GSK3B: variants seen among roughly 807,000 people sequenced by gnomAD.
GSK3B encodes glycogen synthase kinase 3 beta.
GSK3B carries 15 observed loss-of-function variants against 56.4 expected under a neutral mutation model. The observed-to-expected ratio is 0.27, with a 90% CI of 0.18 to 0.41. The LOEUF is 0.41. Among genes scored for constraint, GSK3B ranks in the 10% least tolerant of loss-of-function variants. The pLI is 1.00. For synonymous variants in GSK3B, 181 were observed against 188.9 expected, an observed-to-expected ratio of 0.96 and a Z score of 0.34; for missense variants, 300 against 513.4, an observed-to-expected ratio of 0.58 and a Z score of 4.02.
intron 2 of GSK3B, among the ~76,000 whole-genome samples, chr3:119,980,517 G>A (rs763666494): frequency 9.2e-5 from 14 of 151,976 alleles, no homozygotes; most frequent in Non-Finnish European, 1.8e-4. Context: ...CACGCCCGGG[G>A]AATTTTTTGT....
intron 1 of GSK3B, among the ~76,000 whole-genome samples, chr3:120,082,596 A>G (rs774248051): frequency 7.2e-5 from 11 of 151,776 alleles, no homozygotes; most frequent in Non-Finnish European, 1.2e-4. Flanking sequence ...GGGTTTCACC[A>G]TCTTGGCCAG....
intron 2 of GSK3B, among the ~76,000 whole-genome samples, chr3:119,972,950 T>A (rs1427939943): frequency 6.6e-6 from 1 of 152,204 alleles, no homozygotes; most frequent in East Asian, 1.9e-4. Flanking sequence ...GGCTTCCAAT[T>A]TGACTGATGC....
At position 119,826,619 on chromosome 3, in the gene GSK3B, G is replaced by A. The variant is rs772335906; in HGVS notation, c.*169C>T. On this transcript the variant is annotated 3_prime_UTR_variant, in exon 11 of 11. Transcript: ENST00000264235. Reference sequence around the variant, plus strand: ...ACAATGAAATTGGTTTGTATTTATAGATATTTTACAAGGTTAAATAAGAAC... The same window carrying A: ...ACAATGAAATTGGTTTGTATTTATAAATATTTTACAAGGTTAAATAAGAAC... The A allele has an allele frequency of 6.2e-6, 3 of 483,340 alleles. No individual in the cohort carries two copies. Among genetic ancestry groups the A allele is most frequent in the Non-Finnish European group, 1.2e-5 (3 of 243,048 alleles). The allele number at this position is 483,340 out of a possible 1,614,324, so 29.9% of individuals were successfully genotyped here. A position where few individuals can be genotyped will look rare whatever the true frequency, so the allele number is the denominator to read the frequency against.
At chr3:120,068,262 G>A (rs1290428729) in intron 1 of GSK3B, among the ~76,000 whole-genome samples, 3 of 151,868 alleles carry the variant, frequency 2.0e-5, no homozygotes, top group Non-Finnish European at 4.4e-5. Flanking sequence ...ATGGTGGCAC[G>A]CGCCTGTAAT....
At chr3:119,912,273 T>C (rs2056741862) in intron 6 of GSK3B, among the ~76,000 whole-genome samples, 1 of 152,120 alleles carries the variant, frequency 6.6e-6, no homozygotes, top group African/African-American at 2.4e-5. Context: ...TTTGCTGTCT[T>C]ATATTGTTGT....
chr3:119,893,617 C>G (rs190882343), intron 7 of GSK3B, among the ~76,000 whole-genome samples: 63 of 152,202 alleles, frequency 4.1e-4, no homozygotes, highest in African/African-American at 1.5e-3. Context: ...TTTATTTAAA[C>G]TAGACAGAAT....
chr3:119,954,500 T>C (rs2057193204), intron 2 of GSK3B, among the ~76,000 whole-genome samples: 2 of 152,322 alleles, frequency 1.3e-5, no homozygotes, highest in Admixed American at 6.5e-5. Context: ...AAATTTTAAA[T>C]TGTGGTAACT....
chr3:119,906,814 A>G (rs1011825630), intron 6 of GSK3B, among the ~76,000 whole-genome samples: 5 of 152,098 alleles, frequency 3.3e-5, no homozygotes, highest in Non-Finnish European at 7.4e-5. Flanking sequence ...AGAAGAAGGA[A>G]CAGTAAATGG....
At chr3:120,020,143 A>C (rs1401278356) in intron 1 of GSK3B, among the ~76,000 whole-genome samples, 1 of 152,218 alleles carries the variant, frequency 6.6e-6, no homozygotes, top group African/African-American at 2.4e-5. Flanking sequence ...CTTTATAAGA[A>C]CCTCTTAAAA....
At chr3:119,961,733 A>AAATACCTC (rs1435503437) in intron 2 of GSK3B, among the ~76,000 whole-genome samples, 11 of 152,258 alleles carry the variant, frequency 7.2e-5, no homozygotes, top group Non-Finnish European at 1.2e-4. Context: ...TTACCTCAAC[A>AAATACCTC]AAATAAAAGT....
chr3:119,939,008 A>T (rs1233981822), intron 3 of GSK3B, among the ~76,000 whole-genome samples: 12 of 152,024 alleles, frequency 7.9e-5, no homozygotes, highest in Non-Finnish European at 1.6e-4. Context: ...AATAATTAAA[A>T]TACAAGAAAA....
Position 120,093,979 on chromosome 3 carries a change from G to C in GSK3B, c.-545C>G, listed in dbSNP as rs1408110041. 2 of 212,454 alleles carry C rather than the reference G, an allele frequency of 9.4e-6. No individual in the cohort carries two copies. Among genetic ancestry groups the C allele is most frequent in the African/African-American group, 4.6e-5 (2 of 43,912 alleles). The allele number at this position is 212,454 out of a possible 1,614,324, so 13.2% of individuals were successfully genotyped here. A position where few individuals can be genotyped will look rare whatever the true frequency, so the allele number is the denominator to read the frequency against. ...GCTCCGGCAAGCCGCGGGATCCGGC[G>C]GGCTGACGGCAGGGGCCCGGCGAAC... is the stretch of plus-strand genomic sequence containing the variant. On this transcript the variant is annotated 5_prime_UTR_variant, in exon 1 of 11. Transcript: ENST00000264235.
intron 2 of GSK3B, among the ~76,000 whole-genome samples, chr3:119,993,688 T>C (rs1269446487): frequency 6.6e-6 from 1 of 152,150 alleles, no homozygotes; most frequent in African/African-American, 2.4e-5. Context: ...GTTACAAATA[T>C]AGAAATAAAG....
intron 3 of GSK3B, among the ~76,000 whole-genome samples, chr3:119,932,161 A>T (rs1239032667): frequency 6.6e-6 from 1 of 152,224 alleles, no homozygotes; most frequent in African/African-American, 2.4e-5. Flanking sequence ...TAATTTTAAA[A>T]ATCTGATGTA....
intron 1 of GSK3B, among the ~76,000 whole-genome samples, chr3:120,007,077 G>C (rs1323087378): frequency 1.3e-5 from 2 of 152,040 alleles, no homozygotes; most frequent in African/African-American, 4.8e-5. Context: ...AAATGATAAA[G>C]GGGATCACCA....
chr3:119,824,340 C>G lies in GSK3B; in HGVS notation c.*2448G>C. ...AATCACACATCTCAGCACACACACA[C>G]ACACACACACACGCACACATGCACA... On this transcript the variant is annotated 3_prime_UTR_variant, in exon 11 of 11. Transcript: ENST00000264235. 4.4e-6 allele frequency: 1 copy of G among 224,840 alleles called. No individual in the cohort carries two copies. Among genetic ancestry groups the G allele is most frequent in the South Asian group, 1.8e-4 (1 of 5,458 alleles). The allele number at this position is 224,840 out of a possible 1,614,324, so 13.9% of individuals were successfully genotyped here.
At chr3:119,906,617 G>A (rs781403401) in intron 6 of GSK3B, among the ~76,000 whole-genome samples, 11 of 152,022 alleles carry the variant, frequency 7.2e-5, no homozygotes, top group East Asian at 1.9e-4. Context: ...AAGTATTATC[G>A]GATTAGAAGA....
chr3:119,936,400 G>A (rs907962180), intron 3 of GSK3B, among the ~76,000 whole-genome samples: 2 of 148,314 alleles, frequency 1.3e-5, no homozygotes, highest in Non-Finnish European at 3.0e-5. Context: ...AGGCTGGAGT[G>A]CAGTGGTAGG....
Position 120,045,526 on chromosome 3 carries a change from G to C in GSK3B, c.89-43287C>G, listed in dbSNP as rs958297246. On this transcript the variant is annotated intron_variant, in intron 1 of 10. Transcript: ENST00000264235. ...ATTTAAAAAAAAAAATTCACAAGTA[G>C]CCAATCAAGTCAGCTTAAATTGTGC... Among the ~76,000 whole-genome samples the C allele has an allele frequency of 7.9e-5, 12 of 152,014 alleles. No homozygotes were observed. The East Asian group carries it at 2.3e-3, about 29-fold the overall frequency.
Sources: allele counts gnomAD v4.1 joint callset (sites outside exome capture counted in the v4.1 genomes callset), GRCh38; gene constraint gnomAD v4.1.1; transcripts MANE v1.5; gene names NCBI Gene and HGNC (gene_info 2026-07-23, HGNC 2026-07-21).